Variants in ABCC11 observed in about 807,000 individuals in gnomAD.
The protein encoded by ABCC11 is ATP binding cassette subfamily C member 11, also known as ATP-binding cassette sub-family C member 11.
In ABCC11, 135 loss-of-function variants were observed where a neutral mutation model predicts 149.3. The observed-to-expected ratio is 0.90, with a 90% CI of 0.79 to 1.04. The LOEUF (loss-of-function observed/expected upper bound fraction) is 1.04, where lower values mean the gene tolerates loss of function less well. Among genes scored for constraint, ABCC11 ranks in the 50% least tolerant of loss-of-function variants. The pLI is 0.00. For synonymous variants in ABCC11, 665 were observed against 671.4 expected, an observed-to-expected ratio of 0.99 and a Z score of 0.15; for missense variants, 1,680 against 1,722.1, an observed-to-expected ratio of 0.98 and a Z score of 0.43.
At chr16:48,190,873 C>T (rs568589524) in intron 20 of ABCC11, among the ~76,000 whole-genome samples, 2 of 152,144 alleles carry the variant, frequency 1.3e-5, no homozygotes, top group Non-Finnish European at 2.9e-5. Flanking sequence ...AACCAGACTT[C>T]CAGCAGGAGA....
intron 1 of ABCC11, chr16:48,244,557 C>G (rs1447988242): frequency 3.2e-6 from 5 of 1,538,740 alleles, no homozygotes; most frequent in Non-Finnish European, 4.4e-6. Context: ...AAGCACCATC[C>G]TGGGCGTCAT....
intron 4 of ABCC11, among the ~76,000 whole-genome samples, chr16:48,225,062 A>G (rs1269610780): frequency 1.3e-5 from 2 of 151,214 alleles, no homozygotes; most frequent in East Asian, 1.9e-4. Flanking sequence ...AATAGTAACA[A>G]TAAAATAACA....
At chr16:48,237,883 T>C (rs1970765997) in intron 1 of ABCC11, among the ~76,000 whole-genome samples, 1 of 152,332 alleles carries the variant, frequency 6.6e-6, no homozygotes, top group Admixed American at 6.5e-5. Context: ...TGCTTTCTCA[T>C]ACTGCAGGGC....
At chr16:48,242,709 T>A (rs958062365) in intron 1 of ABCC11, among the ~76,000 whole-genome samples, 1 of 152,200 alleles carries the variant, frequency 6.6e-6, no homozygotes, top group African/African-American at 2.4e-5. Context: ...TGGAATACTA[T>A]GCAGCCATAA....
Position 48,176,906 on chromosome 16 carries a change from C to T in ABCC11, c.3538+18G>A. 1 of 1,611,158 alleles carries T rather than the reference C, an allele frequency of 6.2e-7. No individual in the cohort carries two copies. Among genetic ancestry groups the T allele is most frequent in the Non-Finnish European group, 8.5e-7 (1 of 1,179,152 alleles). On this transcript the variant is annotated intron_variant, in intron 25 of 29. Coordinates refer to ENST00000356608, the MANE Select transcript of ABCC11 (RefSeq NM_001370497.1). ...CAAAGGAGGAGCTGGGGACGCTCGC[C>T]CAGGAAGCTCAGCTCACCAGAGCCC...
rs1428811478 is a variant in ABCC11, at chr16:48,211,177, G to A, written c.1379C>T (p.Pro460Leu). 1 of 1,614,052 alleles carries A rather than the reference G, an allele frequency of 6.2e-7. No homozygotes were observed. Among genetic ancestry groups the A allele is most frequent in the Middle Eastern group, 1.6e-4 (1 of 6,062 alleles). The change falls in exon 11 of 30, where the codon CCT (proline) becomes CTT (leucine). Residue 460 changes from proline to leucine, a missense_variant. Coordinates refer to ENST00000356608, the MANE Select transcript of ABCC11 (RefSeq NM_001370497.1). ...TTGTAATGTCTGGACATAGAAAACAGGGCTCTCCTGGAGGAAAAACTTCTG... is the reference window on the plus strand; with the variant it reads ...TTGTAATGTCTGGACATAGAAAACAAGGCTCTCCTGGAGGAAAAACTTCTG... Reference protein sequence around the residue: ...RFKKFFLQESPVFYVQTLQDP... With the variant: ...RFKKFFLQESLVFYVQTLQDP...
chr16:48,216,525 C>G (rs78716244), intron 6 of ABCC11, among the ~76,000 whole-genome samples: 13,436 of 152,234 alleles, frequency 0.088, 605 homozygotes, highest in Middle Eastern at 0.12. Context: ...ATTATACTTA[C>G]TTTATATGGG....
At chr16:48,204,946 G>C (rs867165301) in intron 13 of ABCC11, among the ~76,000 whole-genome samples, 17 of 152,254 alleles carry the variant, frequency 1.1e-4, no homozygotes, top group Middle Eastern at 3.4e-3. Context: ...GATTCAAACT[G>C]GTTTCCTCTA....
intron 4 of ABCC11, among the ~76,000 whole-genome samples, chr16:48,225,200 G>A (rs117892325): frequency 0.083 from 12,680 of 152,116 alleles, 551 homozygotes; most frequent in Middle Eastern, 0.11. Context: ...GCGACAGAGC[G>A]ATACTCTGTC....
chr16:48,210,885 C>G lies in ABCC11; in HGVS notation c.1608+63G>C, dbSNP rs1050268514. 5.1e-6 allele frequency: 8 copies of G among 1,580,554 alleles called. No individual in the cohort carries two copies. In the Admixed American group the frequency reaches 6.9e-5, roughly 14 times the overall value. ...GGAAATGGTGGGGCACCTGGCCAAG[C>G]TCCTAGCCTCAGGTCCTGAGAGCCT... is the stretch of plus-strand genomic sequence containing the variant. On this transcript the variant is annotated intron_variant, in intron 11 of 29. Transcript: ENST00000356608.
At chr16:48,201,756 G>A (rs983909923) in intron 14 of ABCC11, among the ~76,000 whole-genome samples, 1 of 152,158 alleles carries the variant, frequency 6.6e-6, no homozygotes, top group African/African-American at 2.4e-5. Flanking sequence ...ACGCTGGAAG[G>A]ACCATCTCAC....
At chr16:48,212,513 C>T (rs76319460) in intron 10 of ABCC11, among the ~76,000 whole-genome samples, 24 of 152,312 alleles carry the variant, frequency 1.6e-4, no homozygotes, top group African/African-American at 5.1e-4. Flanking sequence ...CATCCTGGGC[C>T]GCATGCGACC....
At position 48,186,888 on chromosome 16, in the gene ABCC11, T is replaced by G. The variant is rs377357697; in HGVS notation, c.3071+65A>C. The G allele has an allele frequency of 1.3e-4, 213 of 1,588,712 alleles. 2 individuals are homozygous for G. The highest frequency in any genetic ancestry group is 9.6e-4 in the East Asian group (43 of 44,754). On this transcript the variant is annotated intron_variant, in intron 22 of 29. Coordinates refer to ENST00000356608, the MANE Select transcript of ABCC11 (RefSeq NM_001370497.1). ...GATGATGCCACTCCCAGACGCTCCA[T>G]TCTTTCCCTGCTCCCCACCACCCCT...
In ABCC11 at chr16:48,211,059, C is replaced by T. The variant is rs777449253; in HGVS notation, c.1497G>A (p.Arg499=). The change falls in exon 11 of 30, where the codon AGG becomes AGA. Residue 499 remains arginine, a synonymous_variant. Transcript: ENST00000356608. ...TCATCCCCTCAGAAGCATGCCCGTT[C>T]CTCTCCAGCTCCAGTGCCCCATTGA... ...GIVNGALELE[R]NGHASEGMTR... The T allele has an allele frequency of 3.5e-5, 57 of 1,614,106 alleles. No individual in the cohort carries two copies. Among genetic ancestry groups the T allele is most frequent in the Middle Eastern group, 1.6e-4 (1 of 6,084 alleles).
chr16:48,175,197 G>T lies in ABCC11; in HGVS notation c.3698+61C>A. 2.6e-6 allele frequency: 4 copies of T among 1,566,538 alleles called. 1 individual carries two copies. In the South Asian group the frequency reaches 4.7e-5, roughly 18 times the overall value. On this transcript the variant is annotated intron_variant, in intron 26 of 29. Transcript: ENST00000356608. ...TCACCAGCTCACTATAGGCAGCCCG[G>T]TGCTGGAATCCTGGTCCTGTGACCC...
chr16:48,215,316 G>A lies in ABCC11; in HGVS notation c.980C>T (p.Ala327Val), dbSNP rs1363071193. 4 of 1,613,978 alleles carry A rather than the reference G, an allele frequency of 2.5e-6. No homozygotes were observed. The Admixed American group carries it at 6.7e-5, about 27-fold the overall frequency. ...AVFMTRMAVK[A>V]QHHTSEVSDQ... is the part of the protein sequence containing the mutation. ...GCTGACCTCAGATGTGTGATGCTGAGCCTTCACAGCCATTCTTGTCATGAA... is the reference window on the plus strand; with the variant it reads ...GCTGACCTCAGATGTGTGATGCTGAACCTTCACAGCCATTCTTGTCATGAA... The change falls in exon 8 of 30, where the codon GCT (alanine) becomes GTT (valine). Residue 327 changes from alanine to valine, a missense_variant. Physicochemically the swap from Ala to Val is moderately conservative, Grantham distance 64 (BLOSUM62 0). Transcript: ENST00000356608.
At chr16:48,232,639 C>G (rs1001458842) in intron 1 of ABCC11, among the ~76,000 whole-genome samples, 1 of 151,890 alleles carries the variant, frequency 6.6e-6, no homozygotes, top group Admixed American at 6.6e-5. Context: ...GTGCCTGGGA[C>G]AGGAGAGAAG....
intron 7 of ABCC11, 76 bp from the exon 8 acceptor site, chr16:48,215,420 G>A: frequency 6.6e-7 from 1 of 1,506,416 alleles, no homozygotes; most frequent in Non-Finnish European, 9.1e-7. Flanking sequence ...GTTCAGCCTG[G>A]CATAAGTAGG....
At chr16:48,244,657 C>T (rs1265882338) in intron 1 of ABCC11, 5 of 1,312,668 alleles carry the variant, frequency 3.8e-6, no homozygotes, top group Non-Finnish European at 4.9e-6. Context: ...CGGCGGGCGG[C>T]GCGGCCTCCT....
Sources: allele counts gnomAD v4.1 joint callset (sites outside exome capture counted in the v4.1 genomes callset), GRCh38; gene constraint gnomAD v4.1.1; transcripts MANE v1.5; gene names NCBI Gene and HGNC (gene_info 2026-07-23, HGNC 2026-07-21).